The following METTL15 variants were observed in gnomAD, a reference collection of about 807,000 sequenced individuals.
METTL15 encodes methyltransferase 15, mitochondrial 12S rRNA N4-cytidine, also known as 12S rRNA N(4)-cytidine methyltransferase METTL15.
A neutral mutation model predicts 38.3 loss-of-function variants in METTL15; 34 were observed. That is an observed-to-expected ratio of 0.89 (90% CI 0.68 to 1.18). The LOEUF is 1.18. METTL15 is among the 50% of genes most tolerant of loss of function. The probability of loss-of-function intolerance (pLI) is 0.00; values close to 1 mark genes in which losing one functional copy is unlikely to be tolerated. For missense variants in METTL15, 438 were observed against 498.4 expected, an observed-to-expected ratio of 0.88 and a Z score of 1.15; for synonymous variants, 162 against 170.9, an observed-to-expected ratio of 0.95 and a Z score of 0.41.
intron 3 of METTL15, among the ~76,000 whole-genome samples, chr11:28,343,086 T>G (rs978794530): frequency 6.6e-6 from 1 of 152,194 alleles, no homozygotes; most frequent in African/African-American, 2.4e-5. Flanking sequence ...TGTAAAATTA[T>G]TGTTTTCATA....
intron 6 of METTL15, among the ~76,000 whole-genome samples, chr11:28,451,413 G>A (rs1851119231): frequency 1.3e-5 from 2 of 151,848 alleles, no homozygotes; most frequent in African/African-American, 2.4e-5. Context: ...GTGAAACCCC[G>A]TCTCTACTAA....
intron 4 of METTL15, among the ~76,000 whole-genome samples, chr11:28,275,422 G>C (rs1855804844): frequency 6.6e-6 from 1 of 151,870 alleles, no homozygotes; most frequent in Non-Finnish European, 1.5e-5. Context: ...TAGATATCCT[G>C]AACAGACCAG....
At chr11:28,502,497 A>G (rs1851593053) in intron 6 of METTL15, among the ~76,000 whole-genome samples, 1 of 152,210 alleles carries the variant, frequency 6.6e-6, no homozygotes, top group South Asian at 2.1e-4. Flanking sequence ...ACATTACTGA[A>G]TCAGACTAAA....
intron 5 of METTL15, among the ~76,000 whole-genome samples, chr11:28,423,010 A>C (rs970192336): frequency 1.3e-5 from 2 of 152,002 alleles, no homozygotes; most frequent in African/African-American, 4.8e-5. Flanking sequence ...GGGAAAAAAA[A>C]CAATAATCCA....
chr11:28,164,298 A>T (rs2133749156), intron 3 of METTL15, among the ~76,000 whole-genome samples: 1 of 152,216 alleles, frequency 6.6e-6, no homozygotes, highest in East Asian at 1.9e-4. Context: ...ATGTCATAAA[A>T]CAAGAAATAC....
Position 28,210,942 on chromosome 11 carries a change from A to T in METTL15, c.271-120A>T, listed in dbSNP as rs948326018. 7 of 1,060,934 alleles carry T rather than the reference A, an allele frequency of 6.6e-6. No homozygotes were observed. The African/African-American group carries it at 1.1e-4, about 17-fold the overall frequency. The allele number at this position is 1,060,934 out of a possible 1,614,324, so 65.7% of individuals were successfully genotyped here. ...TTCAACTATAGGCACAACGATTGTA[A>T]TTATTTTCCTATTTACTGTCAAGTC... is the stretch of plus-strand genomic sequence containing the variant. On this transcript the variant is annotated intron_variant, in intron 3 of 6. Transcript: ENST00000407364.
intron 5 of METTL15, among the ~76,000 whole-genome samples, chr11:28,398,095 G>T (rs556706926): frequency 1.3e-5 from 2 of 151,942 alleles, no homozygotes; most frequent in Admixed American, 6.6e-5. Flanking sequence ...TTGTGGGGTG[G>T]GGGGAGGTGG....
chr11:28,457,233 A>G (rs1851176768), intron 6 of METTL15, among the ~76,000 whole-genome samples: 2 of 152,232 alleles, frequency 1.3e-5, no homozygotes, highest in South Asian at 4.1e-4. Flanking sequence ...TGTAAGCCCA[A>G]CATGCAAATG....
At chr11:28,190,889 T>C (rs766046258) in intron 3 of METTL15, among the ~76,000 whole-genome samples, 2 of 151,394 alleles carry the variant, frequency 1.3e-5, no homozygotes, top group Non-Finnish European at 3.0e-5. Context: ...GCTTTAGTTA[T>C]AACTTGTTCA....
intron 3 of METTL15, among the ~76,000 whole-genome samples, chr11:28,150,380 G>C (rs1201348886): frequency 6.6e-6 from 1 of 151,702 alleles, no homozygotes; most frequent in African/African-American, 2.4e-5. Flanking sequence ...TTTTGTGAGA[G>C]ATATTGAGGG....
intron 4 of METTL15, among the ~76,000 whole-genome samples, chr11:28,252,607 C>A (rs1854793361): frequency 6.6e-6 from 1 of 152,078 alleles, no homozygotes; most frequent in African/African-American, 2.4e-5. Context: ...ATCCTATAGT[C>A]TTTTTCCTTT....
chr11:28,275,691 C>T (rs1469732753), intron 4 of METTL15, among the ~76,000 whole-genome samples: 4 of 148,980 alleles, frequency 2.7e-5, no homozygotes, highest in African/African-American at 9.9e-5. Context: ...AGCATAGATG[C>T]AAAAATCCTT....
At chr11:28,238,021 G>A (rs964171730) in intron 4 of METTL15, among the ~76,000 whole-genome samples, 2 of 152,152 alleles carry the variant, frequency 1.3e-5, no homozygotes, top group African/African-American at 2.4e-5. Flanking sequence ...CTGCTGGAGG[G>A]TGCCTCCCAG....
intron 6 of METTL15, among the ~76,000 whole-genome samples, chr11:28,500,492 T>C (rs1351589222): frequency 6.6e-6 from 1 of 152,166 alleles, no homozygotes; most frequent in Non-Finnish European, 1.5e-5. Context: ...TTCAAGTGAG[T>C]TTGATCCTGT....
chr11:28,130,574 C>T (rs1007805249), intron 3 of METTL15, among the ~76,000 whole-genome samples: 7 of 151,826 alleles, frequency 4.6e-5, no homozygotes, highest in Admixed American at 2.0e-4. Context: ...AGTTAGAATA[C>T]GTTGAGCTGA....
chr11:28,283,807 A>G (rs1268975800), intron 4 of METTL15, among the ~76,000 whole-genome samples: 1 of 152,208 alleles, frequency 6.6e-6, no homozygotes, highest in Non-Finnish European at 1.5e-5. Flanking sequence ...GATCACAAGC[A>G]ACATTCTACT....
At chr11:28,492,334 G>A (rs555758810) in intron 6 of METTL15, among the ~76,000 whole-genome samples, 47 of 152,202 alleles carry the variant, frequency 3.1e-4, no homozygotes, top group Admixed American at 4.6e-4. Flanking sequence ...GGCACATCTT[G>A]TGGCAGGTGC....
chr11:28,222,429 C>T (rs1565180530), intron 4 of METTL15, among the ~76,000 whole-genome samples: 2 of 152,166 alleles, frequency 1.3e-5, no homozygotes, highest in African/African-American at 4.8e-5. Flanking sequence ...GGGAGTAACC[C>T]GATTTTCCAG....
At chr11:28,186,574 T>C (rs1851501575) in intron 3 of METTL15, among the ~76,000 whole-genome samples, 1 of 151,126 alleles carries the variant, frequency 6.6e-6, no homozygotes, top group Admixed American at 6.6e-5. Flanking sequence ...AAATGCCTAG[T>C]TTTTCATCAT....
Sources: gnomAD v4.1 joint callset for allele counts (sites outside exome capture counted in the v4.1 genomes callset) on GRCh38, gnomAD v4.1.1 for gene constraint, MANE v1.5 for transcripts, NCBI Gene and HGNC (gene_info 2026-07-23, HGNC 2026-07-21) for gene names.